Variants in METTL2B observed in about 807,000 individuals in gnomAD.
METTL2B encodes methyltransferase 2B, tRNA N3-cytidine.
In METTL2B, 28 loss-of-function variants were observed where a neutral mutation model predicts 51.0. That is an observed-to-expected ratio of 0.55 (90% CI 0.41 to 0.75). The LOEUF is 0.75. Ranked by LOEUF, METTL2B falls within the 30% of genes least tolerant of loss-of-function variation. The pLI, the probability that METTL2B is intolerant of heterozygous loss-of-function variation, is 0.00. For missense variants in METTL2B, 313 were observed against 460.7 expected (o/e 0.68, Z 2.93); for synonymous variants, 128 against 166.3 (o/e 0.77, Z 1.77).
At chr7:128,485,614 G>A (rs1400778569) in intron 4 of METTL2B, among the ~76,000 whole-genome samples, 74 of 151,460 alleles carry the variant, frequency 4.9e-4, no homozygotes, top group African/African-American at 1.3e-3. Context: ...TGCAGTGAGC[G>A]GAGATCGCAC....
chr7:128,497,690 C>T (rs1792948342), intron 6 of METTL2B, among the ~76,000 whole-genome samples: 1 of 152,080 alleles, frequency 6.6e-6, no homozygotes, highest in African/African-American at 2.4e-5. Context: ...ACCGTTTTGG[C>T]CAGACTGGTC....
Position 128,506,553 on chromosome 7 carries a change from A to G in METTL2B, c.*4637A>G, listed in dbSNP as rs1340096632. 6.6e-6 allele frequency: 1 copy of G among 152,210 alleles called. No individual in the cohort carries two copies. The highest frequency in any genetic ancestry group is 1.5e-5 in the Non-Finnish European group (1 of 68,040). The allele number at this position is 152,210 out of a possible 1,614,324, so 9.4% of individuals were successfully genotyped here. On this transcript the variant is annotated 3_prime_UTR_variant, in exon 9 of 9. Transcript: ENST00000262432. Reference sequence around the variant, plus strand: ...TGTTACATGTGTTGGGAGGGATTAAAGTATATGACCTCAGTGCCACTTAAA... The same window carrying G: ...TGTTACATGTGTTGGGAGGGATTAAGGTATATGACCTCAGTGCCACTTAAA...
chr7:128,479,999 A>T (rs1411750276), intron 3 of METTL2B, among the ~76,000 whole-genome samples: 1 of 152,148 alleles, frequency 6.6e-6, no homozygotes, highest in African/African-American at 2.4e-5. Flanking sequence ...AAAAATGTCT[A>T]GATTGGTATA....
intron 7 of METTL2B, among the ~76,000 whole-genome samples, chr7:128,499,675 C>A (rs1373841383): frequency 5.0e-5 from 7 of 140,884 alleles, no homozygotes; most frequent in African/African-American, 1.8e-4. Context: ...TGTGCCACCA[C>A]GCCTGGCTAA....
At chr7:128,482,738 C>T (rs1372998538) in intron 4 of METTL2B, among the ~76,000 whole-genome samples, 3 of 151,716 alleles carry the variant, frequency 2.0e-5, no homozygotes, top group African/African-American at 4.9e-5. Context: ...TTCGCCGTGT[C>T]GGCTAGGCTG....
chr7:128,493,768 T>C (rs1435026209), intron 5 of METTL2B, 36 bp from the exon 6 acceptor site: 10 of 1,584,986 alleles, frequency 6.3e-6, no homozygotes, highest in Non-Finnish European at 8.6e-6. Context: ...TATGTTAATA[T>C]TTTCTAACTT....
At chr7:128,486,015 C>T (rs182389244) in intron 4 of METTL2B, among the ~76,000 whole-genome samples, 144 of 152,172 alleles carry the variant, frequency 9.5e-4, no homozygotes, top group African/African-American at 1.4e-3. Context: ...AAGCACAGGC[C>T]GGGCGTGGTG....
At chr7:128,482,499 A>G (rs1031708711) in intron 4 of METTL2B, among the ~76,000 whole-genome samples, 1 of 152,100 alleles carries the variant, frequency 6.6e-6, no homozygotes, top group Non-Finnish European at 1.5e-5. Flanking sequence ...GCCTGGAACC[A>G]CAAAGACCAA....
chr7:128,499,820 T>G (rs1274548275), intron 7 of METTL2B, among the ~76,000 whole-genome samples: 1 of 152,182 alleles, frequency 6.6e-6, no homozygotes, highest in African/African-American at 2.4e-5. Flanking sequence ...TGCTCCCAGC[T>G]TACAGCCTTT....
chr7:128,503,083 A>G lies in METTL2B; in HGVS notation c.*1167A>G, dbSNP rs906152250. On this transcript the variant is annotated 3_prime_UTR_variant, in exon 9 of 9. Coordinates refer to ENST00000262432, the MANE Select transcript of METTL2B (RefSeq NM_018396.3). ...GGAGATCGAGACCATCCTGGCTAAC[A>G]CGGTGAAACCTCGTCTCCACTAAAA... is the stretch of plus-strand genomic sequence containing the variant. The G allele has an allele frequency of 2.6e-5, 4 of 156,036 alleles. No homozygotes were observed. The highest frequency in any genetic ancestry group is 7.2e-5 in the African/African-American group (3 of 41,396). 9.7% of individuals were successfully genotyped at this position (156,036 alleles called of 1,614,324 possible). A position where few individuals can be genotyped will look rare whatever the true frequency, so the allele number is the denominator to read the frequency against.
At chr7:128,484,734 A>G (rs2116848217) in intron 4 of METTL2B, among the ~76,000 whole-genome samples, 1 of 152,142 alleles carries the variant, frequency 6.6e-6, no homozygotes, top group East Asian at 1.9e-4. Context: ...CTGGGATTAC[A>G]AGCGCCCGCC....
chr7:128,485,366 C>A (rs1196392879), intron 4 of METTL2B, among the ~76,000 whole-genome samples: 2 of 152,016 alleles, frequency 1.3e-5, no homozygotes, highest in Admixed American at 6.6e-5. Flanking sequence ...GACCCCGTCT[C>A]TACAAAAAAA....
At chr7:128,477,673 A>G (rs1208259753) in intron 2 of METTL2B, among the ~76,000 whole-genome samples, 1 of 151,764 alleles carries the variant, frequency 6.6e-6, no homozygotes, top group East Asian at 1.9e-4. Flanking sequence ...GATGCAGCAG[A>G]GTGGAGATAA....
chr7:128,493,393 G>A (rs35468072), intron 5 of METTL2B, among the ~76,000 whole-genome samples: 1,758 of 152,082 alleles, frequency 0.012, 18 homozygotes, highest in Non-Finnish European at 0.017. Context: ...TGTATTTTTA[G>A]TAGAGATGGG....
intron 4 of METTL2B, among the ~76,000 whole-genome samples, chr7:128,484,944 A>G (rs1019983638): frequency 6.6e-6 from 1 of 152,128 alleles, no homozygotes; most frequent in African/African-American, 2.4e-5. Context: ...CAACTTCAGG[A>G]CATTTTCATC....
intron 4 of METTL2B, among the ~76,000 whole-genome samples, chr7:128,485,699 C>T (rs1163481567): frequency 6.7e-6 from 1 of 150,018 alleles, no homozygotes; most frequent in Non-Finnish European, 1.5e-5. Flanking sequence ...AGCATGCTGG[C>T]ATGCACGTGT....
chr7:128,501,189 C>T (rs1471790835), intron 8 of METTL2B: 1 of 985,354 alleles, frequency 1.0e-6, no homozygotes, highest in East Asian at 1.1e-4. Context: ...TTCAGTCCTG[C>T]TCTGCTCTCC....
chr7:128,498,705 C>A (rs1396703214), intron 7 of METTL2B, among the ~76,000 whole-genome samples: 1 of 151,964 alleles, frequency 6.6e-6, no homozygotes, highest in African/African-American at 2.4e-5. Context: ...ATTAGAAAGA[C>A]ATTTGAAAGA....
chr7:128,497,381 G>A (rs1326434785), intron 6 of METTL2B, among the ~76,000 whole-genome samples: 3 of 152,228 alleles, frequency 2.0e-5, no homozygotes, highest in Non-Finnish European at 4.4e-5. Flanking sequence ...AGAACCCACT[G>A]GATGCTCAGG....
Sources: gnomAD v4.1 joint callset for allele counts (sites outside exome capture counted in the v4.1 genomes callset) on GRCh38, gnomAD v4.1.1 for gene constraint, MANE v1.5 for transcripts, NCBI Gene and HGNC (gene_info 2026-07-23, HGNC 2026-07-21) for gene names.